Variants in MASP2 observed in about 807,000 individuals in gnomAD.
The protein encoded by MASP2 is mannan-binding lectin serine protease 2.
A neutral mutation model predicts 57.1 loss-of-function variants in MASP2; 49 were observed. The observed-to-expected ratio is 0.86, with a 90% confidence interval of 0.68 to 1.09. The LOEUF is 1.09. MASP2 is among the 50% of genes least tolerant of loss of function. MASP2 has a pLI of 0.00. For synonymous variants in MASP2, 379 were observed against 340.8 expected, an observed-to-expected ratio of 1.11 and a Z score of -1.24; for missense variants, 900 against 874.8, an observed-to-expected ratio of 1.03 and a Z score of -0.36.
At chr1:11,032,862 T>C (rs1643864136) in intron 8 of MASP2, among the ~76,000 whole-genome samples, 2 of 151,926 alleles carry the variant, frequency 1.3e-5, no homozygotes, top group South Asian at 4.2e-4. Flanking sequence ...TGAGCCGAGA[T>C]GGCGCCACTC....
intron 10 of MASP2, among the ~76,000 whole-genome samples, chr1:11,028,706 CTTTTTTT>C (rs1184236433): frequency 7.5e-4 from 9 of 12,052 alleles, no homozygotes; most frequent in East Asian, 1.4e-3. Context: ...GGTTTTTTTT[CTTTTTTT>C]TTTTTTTTTT....
chr1:11,027,219 G>T lies in MASP2; in HGVS notation c.1727C>A (p.Thr576Asn), dbSNP rs202214079. Residue 576 changes from threonine (T) to asparagine (N), a missense_variant, in exon 11 of 11, where the codon ACC becomes AAC. By Grantham distance (65) the Thr-to-Asn change is moderately conservative (BLOSUM62 0). Transcript: ENST00000400897. ...DIGTASGWGLTQRGFLARNLM... is the reference protein window; with the variant it reads ...DIGTASGWGLNQRGFLARNLM... ...ATTTCTAGCAAGAAAACCCCTTTGG[G>T]TTAATCCCCATCCAGATGCAGTTCC... 6.2e-7 allele frequency: 1 copy of T among 1,614,180 alleles called. No homozygotes were observed. The highest frequency in any genetic ancestry group is 1.1e-5 in the South Asian group (1 of 91,084).
intron 7 of MASP2, 96 bp downstream of exon 7, chr1:11,037,597 G>A: frequency 2.7e-6 from 2 of 739,602 alleles, no homozygotes; most frequent in South Asian, 4.6e-5. Context: ...GCTGACACAC[G>A]ATTTTCTCAC....
Position 11,037,831 on chromosome 1 carries a change from C to T in MASP2, c.890-20G>A. The stretch of plus-strand genomic sequence containing the variant: ...GCTGCGCTGCGCAGAGGAAACCAGG[C>T]TTGTTGGTTTTCATGTGGTCTACAG... On this transcript the variant is annotated intron_variant, in intron 6 of 10. Transcript: ENST00000400897. 1 of 1,512,614 alleles carries T rather than the reference C, an allele frequency of 6.6e-7. No homozygotes were observed. The highest frequency in any genetic ancestry group is 9.1e-7 in the Non-Finnish European group (1 of 1,101,850). The allele number at this position is 1,512,614 out of a possible 1,614,324, so 93.7% of individuals were successfully genotyped here.
chr1:11,044,915 G>A lies in MASP2; in HGVS notation c.544+493C>T, dbSNP rs753742490. ...GGCTGGCTCTGGCTTCTGACCTGCT[G>A]GGCAGGCCGGAGCTCCAGGGGAGGC... On this transcript the variant is annotated intron_variant, in intron 4 of 10. Transcript: ENST00000400897. 10 of 1,602,956 alleles carry A rather than the reference G, an allele frequency of 6.2e-6. No homozygotes were observed. In the East Asian group the frequency reaches 6.7e-5, roughly 11 times the overall value.
At chr1:11,044,897 T>C in intron 4 of MASP2, 2 of 1,593,910 alleles carry the variant, frequency 1.3e-6, no homozygotes, top group Non-Finnish European at 8.5e-7. Flanking sequence ...GCAGGCTGGC[T>C]CTGGCTTCTG....
Position 11,046,745 on chromosome 1 carries a change from G to C in MASP2, c.235-12C>G. The C allele has an allele frequency of 1.2e-6, 2 of 1,608,766 alleles. No individual in the cohort carries two copies. Among genetic ancestry groups the C allele is most frequent in the Non-Finnish European group, 8.5e-7 (1 of 1,177,706 alleles). ...GCCCCCGAGCTCAGCTGTGGGGTCA[G>C]GTGTCACAGGGAGTGAAGGCAAGAC... On this transcript the variant is annotated splice_polypyrimidine_tract_variant and intron_variant, in intron 2 of 10. Coordinates refer to ENST00000400897, the MANE Select transcript of MASP2 (RefSeq NM_006610.4).
rs561613975 is a variant in MASP2 at position 11,039,059 on chromosome 1, G to A, written c.890-1248C>T. 5.9e-5 allele frequency among the ~76,000 whole-genome samples: 9 copies of A among 151,340 alleles called. No individual in the cohort carries two copies. The East Asian group carries it at 1.4e-3, about 23-fold the overall frequency. ...GAACTCTTCTGCCACCTAGAACTCT[G>A]TCCAACACCCACTTATCCTTTAAAT... On this transcript the variant is annotated intron_variant, in intron 6 of 10. Transcript: ENST00000400897.
chr1:11,044,740 A>T lies in MASP2; in HGVS notation c.544+668T>A. ...ATGAGGCTGTGAGGAGGGTAGGCAGAGAGGAGCGCACCCCGCCGCCTCCCG... is the reference window on the plus strand; with the variant it reads ...ATGAGGCTGTGAGGAGGGTAGGCAGTGAGGAGCGCACCCCGCCGCCTCCCG... On this transcript the variant is annotated intron_variant, in intron 4 of 10. Coordinates refer to ENST00000400897, the MANE Select transcript of MASP2 (RefSeq NM_006610.4). The T allele has an allele frequency of 2.1e-6, 3 of 1,425,204 alleles. No individual in the cohort carries two copies. The Admixed American group carries it at 6.4e-5, about 30-fold the overall frequency. 88.3% of individuals were successfully genotyped at this position (1,425,204 alleles called of 1,614,324 possible).
rs527860967 is a variant in MASP2 at position 11,044,709 on chromosome 1, G to A, written c.544+699C>T. Reference sequence around the variant, plus strand: ...CATGGAGGAGGCTCCCACAGACCTGGGGTTCATGAGGCTGTGAGGAGGGTA... The same window carrying A: ...CATGGAGGAGGCTCCCACAGACCTGAGGTTCATGAGGCTGTGAGGAGGGTA... On this transcript the variant is annotated intron_variant, in intron 4 of 10. Transcript: ENST00000400897. The A allele has an allele frequency of 9.8e-6, 12 of 1,221,148 alleles. No homozygotes were observed. In the African/African-American group the frequency reaches 1.7e-4, roughly 17 times the overall value. 75.6% of individuals were successfully genotyped at this position (1,221,148 alleles called of 1,614,324 possible). A position where few individuals can be genotyped will look rare whatever the true frequency, so the allele number is the denominator to read the frequency against.
chr1:11,038,686 C>T (rs79185164), intron 6 of MASP2, among the ~76,000 whole-genome samples: 1,804 of 152,320 alleles, frequency 0.012, 14 homozygotes, highest in Middle Eastern at 0.02. Context: ...GCTCTCAGTC[C>T]CATGCAGGTC....
intron 3 of MASP2, 146 bp downstream of exon 3, chr1:11,046,410 G>A (rs2100908042): frequency 1.2e-6 from 1 of 868,582 alleles, no homozygotes; most frequent in East Asian, 2.6e-5. Flanking sequence ...TTTGGTCTTT[G>A]CATTGTGGAT....
intron 10 of MASP2, 96 bp from the exon 11 acceptor site, chr1:11,027,744 A>C (rs929477641): frequency 1.5e-6 from 2 of 1,314,946 alleles, no homozygotes; most frequent in African/African-American, 1.5e-5. Flanking sequence ...TTTGATGTCA[A>C]CCAAAAATTA....
chr1:11,030,783 C>T lies in MASP2; in HGVS notation c.1187G>A (p.Cys396Tyr), dbSNP rs185903926. The change falls in exon 9 of 11, where the codon TGT becomes TAT. Residue 396 changes from cysteine to tyrosine, a missense_variant. Transcript: ENST00000400897. The part of the protein sequence containing the change: ...TTYKAVIQYS[C>Y]EETFYTMKVN... ...TTTCATTGTGTAGAAGGTCTCTTCA[C>T]AGCTGTACTGAATCACAGCTTTGTA... The T allele has an allele frequency of 1.8e-4, 287 of 1,613,814 alleles. No individual in the cohort carries two copies. The highest frequency in any genetic ancestry group is 2.3e-4 in the Non-Finnish European group (267 of 1,179,878).
chr1:11,030,535 G>A lies in MASP2; in HGVS notation c.1222+213C>T, dbSNP rs555516889. The A allele has an allele frequency of 1.7e-4, 100 of 583,938 alleles. 1 individual carries two copies. The highest frequency in any genetic ancestry group is 1.4e-3 in the East Asian group (47 of 34,378). 36.2% of individuals were successfully genotyped at this position (583,938 alleles called of 1,614,324 possible). On this transcript the variant is annotated intron_variant, in intron 9 of 10. Coordinates refer to ENST00000400897, the MANE Select transcript of MASP2 (RefSeq NM_006610.4). ...TTAAACCATTTGGAATACATTGTGT[G>A]TTTGTAGTAGTCATTTACTAGATCT...
intron 6 of MASP2, among the ~76,000 whole-genome samples, chr1:11,040,633 TATGG>T (rs1177608831): frequency 2.1e-5 from 3 of 144,052 alleles, no homozygotes; most frequent in Non-Finnish European, 4.6e-5. Flanking sequence ...TGGATGGGTA[TATGG>T]ATGGATGGAT....
Position 11,034,790 on chromosome 1 carries a change from G to A in MASP2, c.1087+38C>T, listed in dbSNP as rs375217434. 87 of 1,432,080 alleles carry A rather than the reference G, an allele frequency of 6.1e-5. No homozygotes were observed. The African/African-American group carries it at 9.7e-4, about 16-fold the overall frequency. The allele number at this position is 1,432,080 out of a possible 1,614,324, so 88.7% of individuals were successfully genotyped here. On this transcript the variant is annotated intron_variant, in intron 8 of 10. Transcript: ENST00000400897. ...CAACAGTAGCAGCAGAGGGAGTTCC[G>A]GGCGGTTATGGGGCCTGTAGTCACC...
At chr1:11,039,067 C>T (rs1442911451) in intron 6 of MASP2, among the ~76,000 whole-genome samples, 4 of 152,264 alleles carry the variant, frequency 2.6e-5, no homozygotes, top group Admixed American at 2.6e-4. Context: ...CTGTCCAACA[C>T]CCACTTATCC....
intron 9 of MASP2, 99 bp downstream of exon 9, chr1:11,030,649 T>C: frequency 1.5e-6 from 2 of 1,348,280 alleles, no homozygotes; most frequent in East Asian, 2.5e-5. Context: ...TAATCTTTTG[T>C]CTAGCCTTAG....
Sources: allele counts gnomAD v4.1 joint callset (sites outside exome capture counted in the v4.1 genomes callset), GRCh38; gene constraint gnomAD v4.1.1; transcripts MANE v1.5; gene names NCBI Gene and HGNC (gene_info 2026-07-23, HGNC 2026-07-21).